CDK18: variants seen among roughly 807,000 people sequenced by gnomAD.
CDK18 encodes cyclin-dependent kinase 18.
Under a neutral mutation model 62.0 loss-of-function variants are expected in CDK18, and 52 were observed. The observed-to-expected ratio is 0.84, with a 90% CI of 0.67 to 1.06. The LOEUF (loss-of-function observed/expected upper bound fraction) is 1.06. Ranked by LOEUF, CDK18 falls within the 50% of genes least tolerant of loss-of-function variation. The pLI, the probability that CDK18 is intolerant of heterozygous loss-of-function variation, is 0.00. For missense variants in CDK18, 604 were observed against 619.9 expected (o/e 0.97, Z 0.27); for synonymous variants, 237 against 247.0 (o/e 0.96, Z 0.38).
chr1:205,510,362 G>A (rs1046808070), intron 1 of CDK18, among the ~76,000 whole-genome samples: 1 of 152,148 alleles, frequency 6.6e-6, no homozygotes, highest in African/African-American at 2.4e-5. Flanking sequence ...GAAGCAGGTG[G>A]GCGGTAGGTG....
rs1165641464 is a variant in CDK18, at chr1:205,523,220, C to A, written c.53C>A (p.Pro18His). The part of the protein sequence containing the change: ...NFKRRFSLSV[P>H]RTETIEESLA... ...AAGCGCCGTTTCTCCCTGTCAGTGC[C>A]CCGCACTGAGACCATTGAAGAATCC... is the stretch of plus-strand genomic sequence containing the variant. Residue 18 changes from proline to histidine, a missense_variant, in exon 2 of 16, where the codon CCC becomes CAC. By Grantham distance (77) the Pro-to-His change is moderately conservative. Transcript: ENST00000429964. 6.2e-7 allele frequency: 1 copy of A among 1,613,586 alleles called. No homozygotes were observed. The highest frequency in any genetic ancestry group is 8.5e-7 in the Non-Finnish European group (1 of 1,179,510).
rs1255142970 is a variant in CDK18 at position 205,504,747 on chromosome 1, C to G, written c.-71C>G. On this transcript the variant is annotated 5_prime_UTR_variant, in exon 1 of 16. Transcript: ENST00000429964. ...CACCTTTCCGGAGCAGGGGAAGCTG[C>G]CCCGTGCCCGGGAGGGAGCGGGCGC... 2 of 152,282 alleles carry G rather than the reference C, an allele frequency of 1.3e-5. No individual in the cohort carries two copies. Among genetic ancestry groups the G allele is most frequent in the Non-Finnish European group, 2.9e-5 (2 of 68,068 alleles). The allele number at this position is 152,282 out of a possible 1,614,324, so 9.4% of individuals were successfully genotyped here. A position where few individuals can be genotyped will look rare whatever the true frequency, so the allele number is the denominator to read the frequency against.
chr1:205,507,633 CAAAA>C (rs56313401), intron 1 of CDK18, among the ~76,000 whole-genome samples: 828 of 72,102 alleles, frequency 0.011, 8 homozygotes, highest in Middle Eastern at 0.035. Flanking sequence ...GACTCCGTCT[CAAAA>C]AAAAAAAAAA....
chr1:205,529,124 C>T, intron 11 of CDK18, 28 bp downstream of exon 11: 1 of 1,536,678 alleles, frequency 6.5e-7, no homozygotes, highest in Non-Finnish European at 8.8e-7. Context: ...CCGTCCCTCT[C>T]ACCACCAGGG....
At position 205,529,502 on chromosome 1, in the gene CDK18, C is replaced by T; in HGVS notation, c.1179-19C>T. 6.2e-7 allele frequency: 1 copy of T among 1,609,648 alleles called. No homozygotes were observed. The highest frequency in any genetic ancestry group is 8.5e-7 in the Non-Finnish European group (1 of 1,177,184). On this transcript the variant is annotated intron_variant, in intron 12 of 15. Transcript: ENST00000429964. ...ATCCCCAATCAGGCACAGCCTGTGT[C>T]CGCGCCTTCTCCTTGCAGGTTGGAT...
Position 205,517,956 on chromosome 1 carries a change from A to C in CDK18, c.-21-5191A>C, listed in dbSNP as rs1379933683. 6.6e-6 allele frequency among the ~76,000 whole-genome samples: 1 copy of C among 151,992 alleles called. No homozygotes were observed. The highest frequency in any genetic ancestry group is 1.9e-4 in the East Asian group (1 of 5,178). ...CCCAACACAGCTGCTCCGCACTCCC[A>C]TCCAGCATCTTCTCCAGCCACATCA... On this transcript the variant is annotated intron_variant, in intron 1 of 15. Coordinates refer to ENST00000429964, the MANE Select transcript of CDK18 (RefSeq NM_212502.3). The surrounding 1 kb of genome is among the most constrained non-coding windows in gnomAD (Gnocchi z 4.1).
Position 205,531,722 on chromosome 1 carries a change from C to T in CDK18, c.*344C>T. The T allele has an allele frequency of 9.1e-6, 3 of 330,896 alleles. No individual in the cohort carries two copies. The highest frequency in any genetic ancestry group is 5.9e-5 in the South Asian group (2 of 34,118). 20.5% of individuals were successfully genotyped at this position (330,896 alleles called of 1,614,324 possible). ...CACACGGATGACAGAATCAAGGCGC[C>T]AGGATGGGCACTCTGCCCTGGATAC... On this transcript the variant is annotated 3_prime_UTR_variant, in exon 16 of 16. Coordinates refer to ENST00000429964, the MANE Select transcript of CDK18 (RefSeq NM_212502.3).
intron 1 of CDK18, among the ~76,000 whole-genome samples, chr1:205,521,856 G>A (rs1026530607): frequency 6.6e-6 from 1 of 152,266 alleles, no homozygotes; most frequent in Non-Finnish European, 1.5e-5. Context: ...TGGCAACTAG[G>A]TGCTGGCCAG....
chr1:205,518,136 C>G (rs1667918128), intron 1 of CDK18, among the ~76,000 whole-genome samples: 1 of 152,116 alleles, frequency 6.6e-6, no homozygotes, highest in Non-Finnish European at 1.5e-5. Context: ...CTTGGGGAGG[C>G]CTTCTTGACC....
rs563300857 is a variant in CDK18, at chr1:205,517,813, C to T, written c.-21-5334C>T. The stretch of plus-strand genomic sequence containing the variant: ...CTCCCCTGGGCCTCAGCAGCAGCCT[C>T]CTGCCCGGGCTCCCTGCTCTCCCCT... On this transcript the variant is annotated intron_variant, in intron 1 of 15. Coordinates refer to ENST00000429964, the MANE Select transcript of CDK18 (RefSeq NM_212502.3). This position sits in a 1 kb window ranked among gnomAD's most constrained non-coding sequence, Gnocchi z 4.1. Among the ~76,000 whole-genome samples, 22 of 152,194 alleles carry T rather than the reference C, an allele frequency of 1.4e-4. No individual in the cohort carries two copies. Among genetic ancestry groups the T allele is most frequent in the African/African-American group, 5.3e-4 (22 of 41,510 alleles).
chr1:205,512,708 C>A (rs188785331), intron 1 of CDK18, among the ~76,000 whole-genome samples: 1 of 152,264 alleles, frequency 6.6e-6, no homozygotes, highest in Admixed American at 6.5e-5. Flanking sequence ...GCTAGTCTCT[C>A]AGATTGGAAT....
chr1:205,520,520 C>A (rs372672697), intron 1 of CDK18, among the ~76,000 whole-genome samples: 1 of 151,822 alleles, frequency 6.6e-6, no homozygotes, highest in African/African-American at 2.4e-5. Flanking sequence ...GCCAACATGG[C>A]GAAATCCTGT....
At position 205,517,997 on chromosome 1, in the gene CDK18, C is replaced by T. The variant is rs1194201235; in HGVS notation, c.-21-5150C>T. 6.6e-6 allele frequency among the ~76,000 whole-genome samples: 1 copy of T among 152,202 alleles called. No individual in the cohort carries two copies. The highest frequency in any genetic ancestry group is 1.5e-5 in the Non-Finnish European group (1 of 68,048). On this transcript the variant is annotated intron_variant, in intron 1 of 15. Coordinates refer to ENST00000429964, the MANE Select transcript of CDK18 (RefSeq NM_212502.3). This position sits in a 1 kb window ranked among gnomAD's most constrained non-coding sequence, Gnocchi z 4.1. ...AGCCACATCATTGTCCTGCAGTGAA[C>T]CAGACTTACTTCTGCCTCAGGACCT...
Position 205,524,272 on chromosome 1 carries a change from T to C in CDK18, c.314T>C (p.Leu105Pro). The C allele has an allele frequency of 6.2e-7, 1 of 1,614,168 alleles. No individual in the cohort carries two copies. The highest frequency in any genetic ancestry group is 1.3e-5 in the African/African-American group (1 of 75,070). The change falls in exon 4 of 16, where the codon CTG (leucine) becomes CCG (proline). Residue 105 changes from leucine to proline, a missense_variant. Coordinates refer to ENST00000429964, the MANE Select transcript of CDK18 (RefSeq NM_212502.3). ...CTCTCTCTGCCCATGGATATCCGCCTGCCCCAGGAATTCCTACAGAAGCTA... is the reference window on the plus strand; with the variant it reads ...CTCTCTCTGCCCATGGATATCCGCCCGCCCCAGGAATTCCTACAGAAGCTA... ...KRLSLPMDIR[L>P]PQEFLQKLQM...
At chr1:205,518,600 C>T (rs932317321) in intron 1 of CDK18, among the ~76,000 whole-genome samples, 15 of 152,328 alleles carry the variant, frequency 9.8e-5, no homozygotes, top group Admixed American at 7.8e-4. Flanking sequence ...CACTTGGCAA[C>T]AACCAGGAAA....
rs111873824 is a variant in CDK18 at position 205,507,501 on chromosome 1, G to A, written c.-22+2705G>A. 5.4e-3 allele frequency among the ~76,000 whole-genome samples: 823 copies of A among 151,570 alleles called. 9 individuals carry two copies. The highest frequency in any genetic ancestry group is 0.018 in the African/African-American group (761 of 41,318). Reference sequence around the variant, plus strand: ...AAAAAAAGCACAAAATTAGTCAGGCGTGGTGGCAGGTGCCTGTAGCTACTC... The same window carrying A: ...AAAAAAAGCACAAAATTAGTCAGGCATGGTGGCAGGTGCCTGTAGCTACTC... On this transcript the variant is annotated intron_variant, in intron 1 of 15. Transcript: ENST00000429964.
rs1233773657 is a variant in CDK18 at position 205,516,008 on chromosome 1, G to C, written c.-21-7139G>C. ...CCTGCAGCCTCTCTCATCCAGGCTG[G>C]GGCAGGGCAAGGTTGTGAGGAGGCC... On this transcript the variant is annotated intron_variant, in intron 1 of 15. Transcript: ENST00000429964. This position sits in a 1 kb window ranked among gnomAD's most constrained non-coding sequence, Gnocchi z 4.8. Among the ~76,000 whole-genome samples the C allele has an allele frequency of 1.3e-5, 2 of 152,176 alleles. No individual in the cohort carries two copies. The highest frequency in any genetic ancestry group is 2.9e-5 in the Non-Finnish European group (2 of 68,026).
chr1:205,520,049 C>T (rs969068367), intron 1 of CDK18, among the ~76,000 whole-genome samples: 1 of 152,096 alleles, frequency 6.6e-6, no homozygotes, highest in Non-Finnish European at 1.5e-5. Flanking sequence ...CAGAGAACAA[C>T]CATGACAAAG....
intron 1 of CDK18, among the ~76,000 whole-genome samples, chr1:205,518,754 C>T (rs1024973037): frequency 6.6e-6 from 1 of 152,210 alleles, no homozygotes; most frequent in Non-Finnish European, 1.5e-5. Context: ...GGCACAGTGG[C>T]CTCTGGCAAG....
Sources: gnomAD v4.1 joint callset for allele counts (sites outside exome capture counted in the v4.1 genomes callset) on GRCh38, gnomAD v4.1.1 for gene constraint, Gnocchi (gnomAD v3.1) non-coding constraint, MANE v1.5 for transcripts, NCBI Gene and HGNC (gene_info 2026-07-23, HGNC 2026-07-21) for gene names.